RCAN2: variants seen among roughly 807,000 people sequenced by gnomAD.
RCAN2 encodes calcipressin-2.
In RCAN2, 9 loss-of-function variants were observed where a neutral mutation model predicts 23.6. That is an observed-to-expected ratio of 0.38 (90% CI 0.23 to 0.67). The LOEUF (loss-of-function observed/expected upper bound fraction) is 0.67. Ranked by LOEUF, RCAN2 falls within the 30% of genes least tolerant of loss-of-function variation. RCAN2 has a pLI of 0.51. For synonymous variants in RCAN2, 109 were observed against 115.7 expected (o/e 0.94, Z 0.37); for missense variants, 273 against 302.3 (o/e 0.90, Z 0.72).
At chr6:46,231,650 T>A (rs1765892536) in intron 4 of RCAN2, among the ~76,000 whole-genome samples, 1 of 152,178 alleles carries the variant, frequency 6.6e-6, no homozygotes, top group Non-Finnish European at 1.5e-5. Context: ...TCTCAGGTGA[T>A]CCACCCGCCT....
At chr6:46,409,360 T>G (rs1311910761) in intron 2 of RCAN2, among the ~76,000 whole-genome samples, 1 of 152,250 alleles carries the variant, frequency 6.6e-6, no homozygotes, top group Non-Finnish European at 1.5e-5. Context: ...TTTCAAAGTT[T>G]TATTAATTCC....
intron 2 of RCAN2, among the ~76,000 whole-genome samples, chr6:46,394,940 A>C (rs540190454): frequency 6.6e-6 from 1 of 152,330 alleles, no homozygotes; most frequent in East Asian, 1.9e-4. Flanking sequence ...GCAGATGTAC[A>C]TTGTAAGAAA....
chr6:46,291,280 G>GTT (rs11389800), intron 2 of RCAN2, among the ~76,000 whole-genome samples: 3,077 of 145,104 alleles, frequency 0.021, 68 homozygotes, highest in African/African-American at 0.063. Context: ...ATTCGCCAGT[G>GTT]TTTTTTTTTT....
At chr6:46,460,235 TA>T (rs1768169567) in intron 1 of RCAN2, among the ~76,000 whole-genome samples, 1 of 152,156 alleles carries the variant, frequency 6.6e-6, no homozygotes, top group Non-Finnish European at 1.5e-5. Flanking sequence ...ATTTCTTTTT[TA>T]TTTTTTGTAG....
intron 2 of RCAN2, among the ~76,000 whole-genome samples, chr6:46,395,417 C>G (rs1766059637): frequency 6.6e-6 from 1 of 152,140 alleles, no homozygotes; most frequent in Admixed American, 6.5e-5. Context: ...GGACGAACAA[C>G]CCATGTGTCT....
chr6:46,325,084 AT>A (rs1336550174), intron 2 of RCAN2, among the ~76,000 whole-genome samples: 1 of 152,216 alleles, frequency 6.6e-6, no homozygotes, highest in Non-Finnish European at 1.5e-5. Context: ...GGGCTGGAAA[AT>A]TCTCCTTATT....
At chr6:46,442,623 C>T (rs1767583579) in intron 2 of RCAN2, among the ~76,000 whole-genome samples, 1 of 152,160 alleles carries the variant, frequency 6.6e-6, no homozygotes, top group African/African-American at 2.4e-5. Context: ...AGCTCCATGT[C>T]CCTATTTAAT....
intron 2 of RCAN2, among the ~76,000 whole-genome samples, chr6:46,415,814 A>G (rs1766696488): frequency 6.6e-6 from 1 of 152,176 alleles, no homozygotes; most frequent in Non-Finnish European, 1.5e-5. Context: ...TTTCATATAC[A>G]CTCGTTCCTC....
At chr6:46,232,446 T>TC (rs1765929460) in intron 4 of RCAN2, among the ~76,000 whole-genome samples, 1 of 152,000 alleles carries the variant, frequency 6.6e-6, no homozygotes, top group East Asian at 1.9e-4. Flanking sequence ...GTTGGGGGTG[T>TC]CTCTAAGCAG....
At chr6:46,322,529 A>G (rs1432948433) in intron 2 of RCAN2, among the ~76,000 whole-genome samples, 1 of 152,232 alleles carries the variant, frequency 6.6e-6, no homozygotes, top group African/African-American at 2.4e-5. Flanking sequence ...CTGTGTCACT[A>G]TGGGAAACTA....
At chr6:46,311,087 A>C (rs1224953820) in intron 2 of RCAN2, among the ~76,000 whole-genome samples, 1 of 152,202 alleles carries the variant, frequency 6.6e-6, no homozygotes, top group Non-Finnish European at 1.5e-5. Context: ...TATTATACAT[A>C]CTTTACAGAG....
chr6:46,291,845 T>C (rs770859342), intron 2 of RCAN2, among the ~76,000 whole-genome samples: 1 of 152,152 alleles, frequency 6.6e-6, no homozygotes, highest in African/African-American at 2.4e-5. Context: ...GTGGCACATG[T>C]ACTTTCTTGA....
intron 2 of RCAN2, among the ~76,000 whole-genome samples, chr6:46,396,082 G>A (rs372263705): frequency 2.6e-5 from 4 of 152,050 alleles, no homozygotes; most frequent in Non-Finnish European, 4.4e-5. Context: ...GAAATTCTGC[G>A]CCTTTAACCA....
intron 2 of RCAN2, among the ~76,000 whole-genome samples, chr6:46,264,458 C>T (rs747044160): frequency 4.6e-5 from 7 of 152,182 alleles, no homozygotes; most frequent in Non-Finnish European, 8.8e-5. Flanking sequence ...TTGTTATACT[C>T]CTAATCTCTT....
At position 46,433,884 on chromosome 6, in the gene RCAN2, A is replaced by G. The variant is rs145422776; in HGVS notation, c.225+22868T>C. On this transcript the variant is annotated intron_variant, in intron 2 of 4. Transcript: ENST00000371374. Reference sequence around the variant, plus strand: ...ATAGTTTGTTCATTTCCATGTTGTTAGTACTCCCATGGCCAATTTAATCCA... The same window carrying G: ...ATAGTTTGTTCATTTCCATGTTGTTGGTACTCCCATGGCCAATTTAATCCA... Among the ~76,000 whole-genome samples, 41 of 152,344 alleles carry G rather than the reference A, an allele frequency of 2.7e-4. No individual in the cohort carries two copies. The East Asian group carries it at 7.5e-3, about 28-fold the overall frequency.
At chr6:46,455,931 C>T (rs1768013144) in intron 2 of RCAN2, among the ~76,000 whole-genome samples, 1 of 150,532 alleles carries the variant, frequency 6.6e-6, no homozygotes, top group Non-Finnish European at 1.5e-5. Flanking sequence ...AAAATTTTGT[C>T]CATGTTTCAG....
chr6:46,396,711 C>G (rs1766098561), intron 2 of RCAN2, among the ~76,000 whole-genome samples: 1 of 152,194 alleles, frequency 6.6e-6, no homozygotes, highest in African/African-American at 2.4e-5. Context: ...CTAAAGTAAA[C>G]AGAATACATT....
At chr6:46,352,140 T>A (rs1261945411) in intron 2 of RCAN2, among the ~76,000 whole-genome samples, 1 of 152,182 alleles carries the variant, frequency 6.6e-6, no homozygotes, top group Non-Finnish European at 1.5e-5. Context: ...AGGCCTCTCC[T>A]GGGATGTCTG....
In RCAN2 at chr6:46,419,736, C is replaced by G. The variant is rs148166947; in HGVS notation, c.225+37016G>C. Among the ~76,000 whole-genome samples, 114 of 152,180 alleles carry G rather than the reference C, an allele frequency of 7.5e-4. 2 individuals are homozygous for G. The East Asian group carries it at 0.017, about 23-fold the overall frequency. On this transcript the variant is annotated intron_variant, in intron 2 of 4. Coordinates refer to ENST00000371374, the MANE Select transcript of RCAN2 (RefSeq NM_001251974.2). Reference sequence around the variant, plus strand: ...AAGTTGGCTGCTGAATAATGAAGACCAGCAGATGGCAGCAGGGACTCTTGG... The same window carrying G: ...AAGTTGGCTGCTGAATAATGAAGACGAGCAGATGGCAGCAGGGACTCTTGG...
Sources: allele counts gnomAD v4.1 joint callset (sites outside exome capture counted in the v4.1 genomes callset), GRCh38; gene constraint gnomAD v4.1.1; transcripts MANE v1.5; gene names NCBI Gene and HGNC (gene_info 2026-07-23, HGNC 2026-07-21).